Variants in POPDC1 observed in about 807,000 individuals in gnomAD.
POPDC1 encodes the protein popeye domain-containing protein 1.
chr6:105,115,330 C>T, the POPDC1 span, among the ~76,000 whole-genome samples: 11 of 152,176 alleles, frequency 7.2e-5, no homozygotes, highest in Non-Finnish European at 8.8e-5. Flanking sequence ...CCTCGTGATC[C>T]GCCCGCCTCA....
chr6:105,098,049 G>C, the POPDC1 span: 2 of 152,128 alleles, frequency 1.3e-5, no homozygotes, highest in African/African-American at 4.8e-5. Context: ...TACATTTAAA[G>C]TAGTAGATTT....
At chr6:105,102,876 A>G in the POPDC1 span, among the ~76,000 whole-genome samples, 6 of 152,356 alleles carry the variant, frequency 3.9e-5, no homozygotes, top group African/African-American at 1.4e-4. Flanking sequence ...TACTCGCTGT[A>G]TATATACGGA....
At chr6:105,124,687 A>T in the POPDC1 span, 16 of 1,391,210 alleles carry the variant, frequency 1.2e-5, no homozygotes, top group Non-Finnish European at 1.2e-5. Context: ...AATAAAAGCA[A>T]TATTTCACAA....
the POPDC1 span, chr6:105,115,601 A>G: frequency 6.8e-7 from 1 of 1,471,156 alleles, no homozygotes; most frequent in Non-Finnish European, 9.1e-7. Flanking sequence ...CTGCAAAGTT[A>G]TTTTTCTAAT....
chr6:105,134,400 C>T, the POPDC1 span, among the ~76,000 whole-genome samples: 3 of 152,046 alleles, frequency 2.0e-5, no homozygotes, highest in African/African-American at 7.2e-5. Context: ...TCCTATGTTA[C>T]CTGTCTTCGG....
At chr6:105,123,682 G>A in the POPDC1 span, among the ~76,000 whole-genome samples, 1 of 152,186 alleles carries the variant, frequency 6.6e-6, no homozygotes, top group East Asian at 1.9e-4. Flanking sequence ...GTGAGCCACC[G>A]TGCCCGGCTG....
chr6:105,106,936 A>G, the POPDC1 span, among the ~76,000 whole-genome samples: 1 of 152,238 alleles, frequency 6.6e-6, no homozygotes, highest in African/African-American at 2.4e-5. Context: ...TCAAGCATTT[A>G]TCCTTTGTGT....
At chr6:105,107,039 T>C in the POPDC1 span, among the ~76,000 whole-genome samples, 3 of 152,162 alleles carry the variant, frequency 2.0e-5, no homozygotes, top group African/African-American at 7.2e-5. Context: ...TACTAGGTCT[T>C]ATTCATTCTT....
the POPDC1 span, among the ~76,000 whole-genome samples, chr6:105,111,345 T>C: frequency 1.3e-5 from 2 of 152,224 alleles, no homozygotes; most frequent in East Asian, 3.8e-4. Flanking sequence ...TGTGAATGCA[T>C]ATGTTTTATA....
chr6:105,107,172 T>C, the POPDC1 span, among the ~76,000 whole-genome samples: 1,709 of 152,260 alleles, frequency 0.011, 17 homozygotes, highest in Non-Finnish European at 0.018. Context: ...TTCAGTTCTT[T>C]TAGTTTTTAA....
chr6:105,123,796 G>T, the POPDC1 span, among the ~76,000 whole-genome samples: 1 of 152,166 alleles, frequency 6.6e-6, no homozygotes, highest in Non-Finnish European at 1.5e-5. Flanking sequence ...TATTCATTAA[G>T]TAAAAAGAGT....
the POPDC1 span, among the ~76,000 whole-genome samples, chr6:105,128,428 T>C: frequency 6.6e-6 from 1 of 152,170 alleles, no homozygotes. Flanking sequence ...CACAGACCCT[T>C]AAATGAATGA....
chr6:105,136,584 G>T, the POPDC1 span: 1 of 152,402 alleles, frequency 6.6e-6, no homozygotes, highest in Admixed American at 6.5e-5. Flanking sequence ...GAGCAGAGAC[G>T]GAGCTCACCA....
the POPDC1 span, among the ~76,000 whole-genome samples, chr6:105,121,780 G>C: frequency 6.6e-6 from 1 of 152,188 alleles, no homozygotes; most frequent in Non-Finnish European, 1.5e-5. Flanking sequence ...TCAAGGGACA[G>C]TCATTGAGTC....
chr6:105,111,184 A>T, the POPDC1 span, among the ~76,000 whole-genome samples: 27 of 152,048 alleles, frequency 1.8e-4, no homozygotes, highest in Non-Finnish European at 1.5e-4. Context: ...TTGTGATTTT[A>T]AAAAAAAATC....
chr6:105,115,857 A>T, the POPDC1 span: 1 of 1,609,724 alleles, frequency 6.2e-7, no homozygotes. Flanking sequence ...GCTTTCTGAG[A>T]ATTATGGGAG....
the POPDC1 span, chr6:105,100,401 T>A: frequency 1.3e-5 from 2 of 151,728 alleles, no homozygotes; most frequent in Non-Finnish European, 2.9e-5. Context: ...TCCCAGCTAC[T>A]CGGGAGGCTG....
chr6:105,100,932 A>T, the POPDC1 span: 1 of 737,340 alleles, frequency 1.4e-6, no homozygotes, highest in Admixed American at 3.6e-5. Flanking sequence ...AAGTGAAAGA[A>T]CTCTTCCATC....
the POPDC1 span, among the ~76,000 whole-genome samples, chr6:105,108,151 G>C: frequency 6.6e-6 from 1 of 152,176 alleles, no homozygotes; most frequent in South Asian, 2.1e-4. Flanking sequence ...GGTGTGAGCA[G>C]CCAAGGAGGA....
Sources: gnomAD v4.1 joint callset for allele counts (sites outside exome capture counted in the v4.1 genomes callset) on GRCh38, gnomAD v4.1.1 for gene constraint, MANE v1.5 for transcripts, NCBI Gene and HGNC (gene_info 2026-07-23, HGNC 2026-07-21) for gene names.